Variants in IQCJ observed in about 807,000 individuals in gnomAD.
IQCJ encodes IQ motif containing J, also known as IQ domain-containing protein J.
Under a neutral mutation model 11.0 loss-of-function variants are expected in IQCJ, and 9 were observed. The ratio of observed to expected loss-of-function variants is 0.82; its 90% CI spans 0.49 to 1.43. The LOEUF is 1.43. Among genes scored for constraint, IQCJ ranks in the 40% most tolerant of loss-of-function variants. The pLI is 0.00. For missense variants in IQCJ, 146 were observed against 133.2 expected (o/e 1.10, Z -0.47); for synonymous variants, 55 against 51.3 (o/e 1.07, Z -0.31).
chr3:159,265,713 C>CCCTT (rs1348343191), downstream of IQCJ: 3 of 197,188 alleles, frequency 1.5e-5, no homozygotes, highest in African/African-American at 6.9e-5. Context: ...TGTCCCAAGT[C>CCCTT]CCTTCCTTCC....
rs181808614 is a variant in IQCJ at position 159,133,520 on chromosome 3, G to T, written c.9+64079G>T. ...CCTTTCATTTTAATTTCCCTGCAGA[G>T]AAAATGATATTTAATGTGTGATGTG... On this transcript the variant is annotated intron_variant, in intron 1 of 3. Transcript: ENST00000397832. Among the ~76,000 whole-genome samples, 36 of 152,264 alleles carry T rather than the reference G, an allele frequency of 2.4e-4. 1 individual carries two copies. Among genetic ancestry groups the T allele is most frequent in the African/African-American group, 7.7e-4 (32 of 41,562 alleles).
intron 1 of IQCJ, among the ~76,000 whole-genome samples, chr3:159,081,280 C>G (rs180870979): frequency 6.6e-6 from 1 of 152,160 alleles, no homozygotes; most frequent in Admixed American, 6.5e-5. Context: ...GACAAACTTC[C>G]CAGTAGACTC....
intron 1 of IQCJ, among the ~76,000 whole-genome samples, chr3:159,193,281 G>A (rs1723793305): frequency 6.6e-6 from 1 of 152,166 alleles, no homozygotes; most frequent in Non-Finnish European, 1.5e-5. Flanking sequence ...ATGATAGTGG[G>A]ACAACTTCTC....
intron 1 of IQCJ, among the ~76,000 whole-genome samples, chr3:159,078,498 T>C (rs1445341895): frequency 1.3e-5 from 2 of 151,522 alleles, no homozygotes; most frequent in Admixed American, 1.3e-4. Flanking sequence ...CAAGTCAGCA[T>C]GGAGCTGAAC....
At chr3:159,124,209 C>T (rs1719541805) in intron 1 of IQCJ, among the ~76,000 whole-genome samples, 1 of 152,158 alleles carries the variant, frequency 6.6e-6, no homozygotes, top group Non-Finnish European at 1.5e-5. Context: ...GGTCACCTGT[C>T]TGGGGAAGGC....
intron 1 of IQCJ, among the ~76,000 whole-genome samples, chr3:159,186,902 G>A (rs946335677): frequency 4.6e-5 from 7 of 152,116 alleles, no homozygotes; most frequent in African/African-American, 1.4e-4. Flanking sequence ...ATATGGCTAG[G>A]TTTCTGAAGA....
In IQCJ at chr3:159,195,010, C is replaced by T. The variant is rs148494384; in HGVS notation, c.10-50833C>T. On this transcript the variant is annotated intron_variant, in intron 1 of 3. Transcript: ENST00000397832. ...CCTGTAATCCCAGCTACCCAGAAGG[C>T]TGAGGCATGAGAATCATTTGAACCC... Among the ~76,000 whole-genome samples the T allele has an allele frequency of 8.8e-4, 134 of 152,060 alleles. 1 individual carries two copies. The East Asian group carries it at 0.023, about 26-fold the overall frequency.
chr3:159,133,261 C>T (rs1002232608), intron 1 of IQCJ, among the ~76,000 whole-genome samples: 1 of 152,126 alleles, frequency 6.6e-6, no homozygotes, highest in Non-Finnish European at 1.5e-5. Flanking sequence ...GAAAATCCTT[C>T]ACAAATGAAA....
chr3:159,150,835 G>T (rs963503636), intron 1 of IQCJ, among the ~76,000 whole-genome samples: 9 of 152,100 alleles, frequency 5.9e-5, no homozygotes, highest in Non-Finnish European at 8.8e-5. Context: ...AATCATTGAG[G>T]CACCTTCATC....
chr3:159,087,536 T>A (rs1234451024), intron 1 of IQCJ, among the ~76,000 whole-genome samples: 5 of 151,998 alleles, frequency 3.3e-5, no homozygotes, highest in Admixed American at 3.3e-4. Context: ...CAGCTGTGAA[T>A]CCATCTGGTC....
At chr3:159,143,273 C>T (rs1010248537) in intron 1 of IQCJ, among the ~76,000 whole-genome samples, 3 of 152,210 alleles carry the variant, frequency 2.0e-5, no homozygotes, top group African/African-American at 7.2e-5. Flanking sequence ...TAAATCACAT[C>T]TTTATTAGTA....
intron 1 of IQCJ, among the ~76,000 whole-genome samples, chr3:159,221,297 T>C (rs952541942): frequency 5.9e-5 from 9 of 152,138 alleles, no homozygotes; most frequent in African/African-American, 2.2e-4. Context: ...TTTAATAATA[T>C]AATCAATATA....
intron 1 of IQCJ, among the ~76,000 whole-genome samples, chr3:159,235,294 A>T (rs1290168272): frequency 6.6e-6 from 1 of 152,172 alleles, no homozygotes; most frequent in African/African-American, 2.4e-5. Flanking sequence ...CACTTAAAAA[A>T]TTTTACTAGT....
At chr3:159,223,558 C>T (rs181947612) in intron 1 of IQCJ, among the ~76,000 whole-genome samples, 17 of 152,058 alleles carry the variant, frequency 1.1e-4, no homozygotes, top group African/African-American at 4.1e-4. Context: ...TACAGACATA[C>T]CTTAAAAAAA....
intron 1 of IQCJ, among the ~76,000 whole-genome samples, chr3:159,119,798 G>A (rs772882235): frequency 2.0e-5 from 3 of 152,072 alleles, no homozygotes; most frequent in East Asian, 1.9e-4. Context: ...TCCCCATTCC[G>A]TATGGGTTGG....
chr3:159,261,366 A>G (rs947096647), intron 3 of IQCJ, among the ~76,000 whole-genome samples: 3 of 152,200 alleles, frequency 2.0e-5, no homozygotes, highest in Non-Finnish European at 2.9e-5. Context: ...CGAGATGTTA[A>G]TCTCAAAGAT....
chr3:159,219,608 C>T (rs1359404405), intron 1 of IQCJ, among the ~76,000 whole-genome samples: 1 of 152,088 alleles, frequency 6.6e-6, no homozygotes, highest in African/African-American at 2.4e-5. Context: ...AGAGTCAATT[C>T]CGGATCTTTC....
chr3:159,209,160 C>G (rs1291181262), intron 1 of IQCJ, among the ~76,000 whole-genome samples: 1 of 152,134 alleles, frequency 6.6e-6, no homozygotes, highest in Admixed American at 6.5e-5. Flanking sequence ...ACTCCACTGG[C>G]AGAGGAACAG....
intron 1 of IQCJ, among the ~76,000 whole-genome samples, chr3:159,088,601 T>C (rs1716980689): frequency 6.6e-6 from 1 of 152,340 alleles, no homozygotes; most frequent in East Asian, 1.9e-4. Context: ...ATCTGGGTGC[T>C]CCTGTATTGG....
Sources: allele counts gnomAD v4.1 joint callset (sites outside exome capture counted in the v4.1 genomes callset), GRCh38; gene constraint gnomAD v4.1.1; transcripts MANE v1.5; gene names NCBI Gene and HGNC (gene_info 2026-07-23, HGNC 2026-07-21).